Variants in CEPT1 observed in about 807,000 individuals in gnomAD.
CEPT1 encodes choline/ethanolamine phosphotransferase 1, also known as choline/ethanolaminephosphotransferase 1.
Under a neutral mutation model 42.6 loss-of-function variants are expected in CEPT1, and 7 were observed. That is an observed-to-expected ratio of 0.16 (90% CI 0.09 to 0.31). CEPT1 has a LOEUF of 0.31. Ranked by LOEUF, CEPT1 falls within the 10% of genes least tolerant of loss-of-function variation. The pLI is 1.00. For missense variants in CEPT1, 306 were observed against 502.1 expected (o/e 0.61, Z 3.73); for synonymous variants, 171 against 171.9 (o/e 0.99, Z 0.04).
At chr1:111,169,009 TAA>T in intron 4 of CEPT1, among the ~76,000 whole-genome samples, 1 of 152,320 alleles carries the variant, frequency 6.6e-6, no homozygotes, top group East Asian at 1.9e-4. Flanking sequence ...CTGTATACTT[TAA>T]GTCATTCTAC....
Position 111,140,363 on chromosome 1 carries a change from G to A in CEPT1, c.-74+56G>A, listed in dbSNP as rs1258354774. The A allele has an allele frequency of 2.6e-5, 4 of 153,440 alleles. No homozygotes were observed. The Admixed American group carries it at 2.6e-4, about 10-fold the overall frequency. The allele number at this position is 153,440 out of a possible 1,614,324, so 9.5% of individuals were successfully genotyped here. A position where few individuals can be genotyped will look rare whatever the true frequency, so the allele number is the denominator to read the frequency against. On this transcript the variant is annotated intron_variant, in intron 1 of 8. Coordinates refer to ENST00000357172, the MANE Select transcript of CEPT1 (RefSeq NM_006090.5). ...GAAGGATTTGAAGGGCGTTGTAGGG[G>A]CCAGTGGAGAGAGGACTGGATGCTC...
intron 3 of CEPT1, 71 bp from the exon 4 acceptor site, chr1:111,161,084 C>G (rs568145466): frequency 3.9e-6 from 6 of 1,528,944 alleles, no homozygotes; most frequent in Non-Finnish European, 5.4e-6. Flanking sequence ...TTTGTCTCAT[C>G]TAAAATCATT....
intron 2 of CEPT1, 62 bp downstream of exon 2, chr1:111,148,115 G>C (rs998565480): frequency 1.6e-6 from 2 of 1,266,564 alleles, no homozygotes; most frequent in Admixed American, 3.9e-5. Flanking sequence ...AATTGGGATC[G>C]TGGGGTCATT....
intron 4 of CEPT1, among the ~76,000 whole-genome samples, chr1:111,172,038 A>C (rs1475392911): frequency 1.3e-5 from 2 of 152,230 alleles, no homozygotes; most frequent in African/African-American, 4.8e-5. Flanking sequence ...ACGCCCAGCC[A>C]GGAGATTATT....
intron 2 of CEPT1, among the ~76,000 whole-genome samples, chr1:111,148,993 A>AT (rs372385021): frequency 5.3e-5 from 8 of 152,106 alleles, no homozygotes; most frequent in Non-Finnish European, 8.8e-5. Flanking sequence ...GCTTGAAGTA[A>AT]TTTTTTTTAA....
intron 3 of CEPT1, chr1:111,159,993 T>C (rs1655785428): frequency 6.6e-6 from 1 of 152,474 alleles, no homozygotes; most frequent in African/African-American, 2.4e-5. Context: ...GTACTGGAAA[T>C]TTGCTAAGAG....
intron 2 of CEPT1, among the ~76,000 whole-genome samples, chr1:111,151,590 A>G (rs544622981): frequency 6.6e-6 from 1 of 152,356 alleles, no homozygotes; most frequent in East Asian, 1.9e-4. Flanking sequence ...TGGGATTGAT[A>G]GAAAGGGAAT....
At chr1:111,161,863 A>G (rs896667950) in intron 4 of CEPT1, among the ~76,000 whole-genome samples, 3 of 152,236 alleles carry the variant, frequency 2.0e-5, no homozygotes, top group African/African-American at 7.2e-5. Context: ...ATCACCAACC[A>G]TATGGTGTGG....
chr1:111,151,372 T>C (rs1030015182), intron 2 of CEPT1, among the ~76,000 whole-genome samples: 1 of 152,200 alleles, frequency 6.6e-6, no homozygotes, highest in Non-Finnish European at 1.5e-5. Context: ...TCCACCCACC[T>C]TGGCCTCCCA....
intron 4 of CEPT1, among the ~76,000 whole-genome samples, chr1:111,164,460 T>C (rs1467278558): frequency 6.6e-6 from 1 of 152,170 alleles, no homozygotes. Flanking sequence ...GATTGGGTTG[T>C]AGAAGATAAA....
chr1:111,182,012 TC>T, intron 5 of CEPT1, 174 bp from the exon 6 acceptor site: 1 of 417,760 alleles, frequency 2.4e-6, no homozygotes, highest in Non-Finnish European at 4.2e-6. Flanking sequence ...TAGTCTCAAC[TC>T]TTGAGACTTG....
intron 4 of CEPT1, among the ~76,000 whole-genome samples, chr1:111,169,547 A>G (rs185911224): frequency 1.3e-5 from 2 of 152,334 alleles, no homozygotes; most frequent in East Asian, 1.9e-4. Flanking sequence ...GCATTTTAAC[A>G]TCATAAAAAA....
chr1:111,161,423 T>G, intron 4 of CEPT1, 127 bp downstream of exon 4: 1 of 845,984 alleles, frequency 1.2e-6, no homozygotes, highest in South Asian at 1.9e-5. Flanking sequence ...AAATTTATGC[T>G]TCATTATTAT....
chr1:111,177,452 T>A (rs1656739045), intron 5 of CEPT1, among the ~76,000 whole-genome samples: 1 of 152,202 alleles, frequency 6.6e-6, no homozygotes, highest in Admixed American at 6.5e-5. Context: ...ATTTTGGATT[T>A]TCTGATTAGG....
At chr1:111,170,671 T>C (rs1459997895) in intron 4 of CEPT1, among the ~76,000 whole-genome samples, 1 of 152,202 alleles carries the variant, frequency 6.6e-6, no homozygotes, top group Non-Finnish European at 1.5e-5. Flanking sequence ...AATGTCATGC[T>C]CTGGTTATCC....
chr1:111,159,678 G>A (rs1655770908), intron 3 of CEPT1, 151 bp downstream of exon 3: 1 of 545,784 alleles, frequency 1.8e-6, no homozygotes, highest in Non-Finnish European at 3.0e-6. Context: ...GTTAATATTT[G>A]TTCATTATTG....
intron 5 of CEPT1, among the ~76,000 whole-genome samples, chr1:111,175,422 C>A (rs529589553): frequency 1.3e-5 from 2 of 152,142 alleles, no homozygotes; most frequent in African/African-American, 4.8e-5. Flanking sequence ...ATTGTTTGAA[C>A]GAGCTTGGAC....
At chr1:111,170,705 C>A (rs1446187675) in intron 4 of CEPT1, among the ~76,000 whole-genome samples, 1 of 152,130 alleles carries the variant, frequency 6.6e-6, no homozygotes, top group Non-Finnish European at 1.5e-5. Context: ...AGCTTCAAAT[C>A]CCTTTACAGA....
At chr1:111,163,669 T>C (rs905060914) in intron 4 of CEPT1, among the ~76,000 whole-genome samples, 44 of 150,710 alleles carry the variant, frequency 2.9e-4, no homozygotes, top group African/African-American at 9.7e-4. Flanking sequence ...AAAATAACAA[T>C]GTAATGGAGG....
Sources: gnomAD v4.1 joint callset for allele counts (sites outside exome capture counted in the v4.1 genomes callset) on GRCh38, gnomAD v4.1.1 for gene constraint, MANE v1.5 for transcripts, NCBI Gene and HGNC (gene_info 2026-07-23, HGNC 2026-07-21) for gene names.